NUP98: variants seen among roughly 807,000 people sequenced by gnomAD.
NUP98 encodes the protein nuclear pore complex protein Nup98-Nup96.
Under a neutral mutation model 191.9 loss-of-function variants are expected in NUP98, and 26 were observed. The observed-to-expected ratio is 0.14, with a 90% confidence interval of 0.10 to 0.19. The LOEUF is 0.19. NUP98 is among the 10% of genes least tolerant of loss of function. The pLI is 1.00. For synonymous variants in NUP98, 808 were observed against 778.4 expected (o/e 1.04, Z -0.63); for missense variants, 1,941 against 2,178.8 (o/e 0.89, Z 2.17).
At chr11:3,678,806 T>C (rs2077895779) in intron 31 of NUP98, among the ~76,000 whole-genome samples, 1 of 152,186 alleles carries the variant, frequency 6.6e-6, no homozygotes, top group Admixed American at 6.5e-5. Flanking sequence ...GAGACTCATT[T>C]TACGACTACA....
At chr11:3,682,979 G>A (rs1292459686) in intron 30 of NUP98, among the ~76,000 whole-genome samples, 2 of 152,150 alleles carry the variant, frequency 1.3e-5, no homozygotes, top group Non-Finnish European at 2.9e-5. Flanking sequence ...CACACATCAA[G>A]AATATTTCTG....
At chr11:3,766,665 G>T (rs2081349135) in intron 8 of NUP98, among the ~76,000 whole-genome samples, 1 of 144,516 alleles carries the variant, frequency 6.9e-6, no homozygotes, top group African/African-American at 2.6e-5. Context: ...CTCCAGCCTG[G>T]GCGACAACAG....
intron 1 of NUP98, among the ~76,000 whole-genome samples, chr11:3,790,172 C>G (rs2082286661): frequency 3.9e-5 from 6 of 152,226 alleles, no homozygotes. Context: ...TGATGAGTGA[C>G]TGTAACATTT....
At position 3,705,248 on chromosome 11, in the gene NUP98, G is replaced by A. The variant is rs2078824902; in HGVS notation, c.3034C>T (p.Pro1012Ser). ...TGGGATGCTGAAATGGGGAGTCTGG[G>A]AGAACAGATTTCTTGAGAAGTATCT... ...KADTSQEICS[P>S]RLPISASHSS... The change falls in exon 22 of 33, where the codon CCC (proline) becomes TCC (serine). Residue 1012 changes from proline to serine, a missense_variant. This residue lies in a region of NUP98 where 1,030 missense variants were observed against 1,115.8 expected (regional missense o/e 0.92). Coordinates refer to ENST00000324932, the MANE Select transcript of NUP98 (RefSeq NM_016320.5). 7 of 1,614,206 alleles carry A rather than the reference G, an allele frequency of 4.3e-6. No homozygotes were observed. Among genetic ancestry groups the A allele is most frequent in the African/African-American group, 1.3e-5 (1 of 75,054 alleles).
intron 24 of NUP98, 127 bp from the exon 25 acceptor site, chr11:3,699,475 G>T: frequency 1.0e-6 from 1 of 992,328 alleles, no homozygotes; most frequent in Non-Finnish European, 1.5e-6. Context: ...CACTCAAGCT[G>T]ATTACCCTGA....
intron 29 of NUP98, among the ~76,000 whole-genome samples, chr11:3,685,152 T>C (rs1180256539): frequency 6.6e-6 from 1 of 152,228 alleles, no homozygotes; most frequent in Non-Finnish European, 1.5e-5. Flanking sequence ...CTTCAAGTAC[T>C]ACATAAATGT....
chr11:3,707,738 C>CACAAAAAAAAAAAA (rs1554889252), intron 20 of NUP98, among the ~76,000 whole-genome samples: 2 of 48,568 alleles, frequency 4.1e-5, no homozygotes, highest in African/African-American at 2.2e-4. Flanking sequence ...GACTCTGTCT[C>CACAAAAAAAAAAAA]AAAAAAAAAA....
chr11:3,738,687 G>A (rs1345384134), intron 12 of NUP98, among the ~76,000 whole-genome samples: 1 of 143,304 alleles, frequency 7.0e-6, no homozygotes, highest in Non-Finnish European at 1.5e-5. Flanking sequence ...GCTGAGACAG[G>A]AGAATTGTCT....
intron 14 of NUP98, among the ~76,000 whole-genome samples, chr11:3,729,158 A>G (rs1054819388): frequency 6.6e-6 from 1 of 152,202 alleles, no homozygotes; most frequent in African/African-American, 2.4e-5. Context: ...GGGAATCATC[A>G]GACTACAGAT....
At chr11:3,681,107 G>T (rs12276096) in intron 30 of NUP98, among the ~76,000 whole-genome samples, 14,095 of 152,090 alleles carry the variant, frequency 0.093, 845 homozygotes, top group Non-Finnish European at 0.14. Context: ...TGGCATGGTC[G>T]TGGCTCACTA....
At chr11:3,719,023 G>A (rs2079290409) in intron 18 of NUP98, among the ~76,000 whole-genome samples, 1 of 152,008 alleles carries the variant, frequency 6.6e-6, no homozygotes, top group Admixed American at 6.5e-5. Context: ...GGGAGGCTGA[G>A]GCAGGAGAAT....
chr11:3,749,608 G>C (rs1343085514), intron 11 of NUP98, among the ~76,000 whole-genome samples: 6 of 152,120 alleles, frequency 3.9e-5, no homozygotes, highest in Admixed American at 3.9e-4. Flanking sequence ...CTGGCAACGA[G>C]AGAAACTCGG....
chr11:3,712,751 A>T (rs752327282), intron 19 of NUP98, 23 bp from the exon 20 acceptor site: 1 of 1,607,470 alleles, frequency 6.2e-7, no homozygotes, highest in South Asian at 1.1e-5. Context: ...AGAACCCCAC[A>T]AAACAACTTA....
chr11:3,702,380 C>G (rs940469733), intron 23 of NUP98, 83 bp downstream of exon 23: 4 of 937,410 alleles, frequency 4.3e-6, no homozygotes, highest in Non-Finnish European at 6.5e-6. Flanking sequence ...AGAAAGATGA[C>G]AAAGCAGGGC....
intron 29 of NUP98, 115 bp from the exon 30 acceptor site, chr11:3,683,556 T>C (rs2078041753): frequency 9.6e-7 from 1 of 1,040,824 alleles, no homozygotes; most frequent in Non-Finnish European, 1.4e-6. Context: ...TTTTTTTTTT[T>C]TGATGGAGTT....
chr11:3,735,884 TGAC>T (rs1174092904), intron 12 of NUP98, among the ~76,000 whole-genome samples: 5 of 147,876 alleles, frequency 3.4e-5, no homozygotes, highest in African/African-American at 1.3e-4. Context: ...GGAAATAATA[TGAC>T]AATATACAAC....
intron 8 of NUP98, among the ~76,000 whole-genome samples, chr11:3,765,756 G>A (rs191698668): frequency 9.4e-5 from 14 of 149,086 alleles, no homozygotes; most frequent in Admixed American, 4.7e-4. Context: ...AGCCAAGATC[G>A]TGCCACTGCA....
At chr11:3,760,662 T>C (rs777872206) in intron 9 of NUP98, 36 bp from the exon 10 acceptor site, 3 of 1,574,306 alleles carry the variant, frequency 1.9e-6, no homozygotes, top group East Asian at 2.2e-5. Flanking sequence ...TTTAAAATAA[T>C]ATTAAGACAC....
chr11:3,694,820 G>C (rs1182300562), intron 26 of NUP98, among the ~76,000 whole-genome samples: 2 of 151,996 alleles, frequency 1.3e-5, no homozygotes, highest in East Asian at 3.9e-4. Flanking sequence ...AGACCTATAG[G>C]TGACAGGATC....
Sources: allele counts gnomAD v4.1 joint callset (sites outside exome capture counted in the v4.1 genomes callset), GRCh38; gene constraint gnomAD v4.1.1; regional missense constraint gnomAD v4.1.1; transcripts MANE v1.5; gene names NCBI Gene and HGNC (gene_info 2026-07-23, HGNC 2026-07-21).